The following TAFA1 variants were observed in gnomAD, a reference collection of about 807,000 sequenced individuals.
TAFA1 encodes the protein chemokine-like protein TAFA-1.
In TAFA1, 4 loss-of-function variants were observed where a neutral mutation model predicts 18.5. That is an observed-to-expected ratio of 0.22 (90% CI 0.11 to 0.49). The LOEUF (loss-of-function observed/expected upper bound fraction) is 0.49. TAFA1 is among the 20% of genes least tolerant of loss of function. TAFA1 has a pLI of 0.98. For missense variants in TAFA1, 147 were observed against 169.0 expected, an observed-to-expected ratio of 0.87 and a Z score of 0.72; for synonymous variants, 56 against 55.2, an observed-to-expected ratio of 1.01 and a Z score of -0.06.
At chr3:68,172,620 G>C (rs189569358) in intron 2 of TAFA1, among the ~76,000 whole-genome samples, 1 of 152,198 alleles carries the variant, frequency 6.6e-6, no homozygotes, top group East Asian at 1.9e-4. Flanking sequence ...AACAACCCTA[G>C]TGTCCATCAG....
At chr3:68,360,719 C>T (rs952088663) in intron 2 of TAFA1, among the ~76,000 whole-genome samples, 2 of 151,922 alleles carry the variant, frequency 1.3e-5, no homozygotes, top group Non-Finnish European at 2.9e-5. Flanking sequence ...TATGAAGATT[C>T]AGCAATGCTA....
chr3:68,254,496 G>A (rs2067260407), intron 2 of TAFA1, among the ~76,000 whole-genome samples: 3 of 151,960 alleles, frequency 2.0e-5, no homozygotes, highest in Non-Finnish European at 4.4e-5. Context: ...ATTAATCTCT[G>A]AAATGAAACA....
intron 2 of TAFA1, among the ~76,000 whole-genome samples, chr3:68,271,134 C>T (rs1375727409): frequency 6.6e-6 from 1 of 152,046 alleles, no homozygotes; most frequent in Non-Finnish European, 1.5e-5. Context: ...CCACCCTGCC[C>T]CTTCCCCCTT....
At chr3:68,288,563 T>G (rs1236455019) in intron 2 of TAFA1, among the ~76,000 whole-genome samples, 1 of 152,236 alleles carries the variant, frequency 6.6e-6, no homozygotes, top group Non-Finnish European at 1.5e-5. Context: ...TTTAATGATG[T>G]CTATCCTCTA....
chr3:68,015,674 T>C lies in TAFA1; in HGVS notation c.118+8930T>C, dbSNP rs1482204826. 2.0e-5 allele frequency among the ~76,000 whole-genome samples: 3 copies of C among 152,220 alleles called. No individual in the cohort carries two copies. The East Asian group carries it at 5.8e-4, about 29-fold the overall frequency. ...GCATCAAGCAGCATAGAGATGCATA[T>C]GTAAAACTCTTAATTTAATACTTTA... On this transcript the variant is annotated intron_variant, in intron 2 of 4. Coordinates refer to ENST00000478136, the MANE Select transcript of TAFA1 (RefSeq NM_213609.4).
intron 2 of TAFA1, among the ~76,000 whole-genome samples, chr3:68,075,918 A>G (rs1309594802): frequency 1.3e-5 from 2 of 152,076 alleles, no homozygotes; most frequent in Non-Finnish European, 2.9e-5. Flanking sequence ...GCTGGTCTTG[A>G]ACTCCTGGGC....
At chr3:68,374,945 A>G (rs2069779890) in intron 2 of TAFA1, among the ~76,000 whole-genome samples, 1 of 151,320 alleles carries the variant, frequency 6.6e-6, no homozygotes, top group Non-Finnish European at 1.5e-5. Flanking sequence ...AAGTACAAGA[A>G]GAGCATTGTC....
intron 3 of TAFA1, among the ~76,000 whole-genome samples, chr3:68,535,891 AT>A (rs1185556151): frequency 4.6e-5 from 7 of 152,208 alleles, no homozygotes; most frequent in Admixed American, 1.3e-4. Context: ...AATAACATTC[AT>A]TAGTGATTGG....
intron 3 of TAFA1, among the ~76,000 whole-genome samples, chr3:68,526,237 G>T (rs1177383013): frequency 2.6e-5 from 4 of 152,230 alleles, no homozygotes; most frequent in African/African-American, 9.6e-5. Context: ...AATCCATTTA[G>T]AAAATGACTC....
In TAFA1 at chr3:68,188,753, A is replaced by G. The variant is rs2066302220; in HGVS notation, c.118+182009A>G. Among the ~76,000 whole-genome samples the G allele has an allele frequency of 2.0e-5, 3 of 151,912 alleles. No homozygotes were observed. The South Asian group carries it at 6.2e-4, about 31-fold the overall frequency. ...CATGCTATTTTGCACTAAGGACAGA[A>G]CCATGGTAGGGAACAATGACTTTTG... On this transcript the variant is annotated intron_variant, in intron 2 of 4. Transcript: ENST00000478136.
At chr3:68,518,586 A>C (rs1172943509) in intron 3 of TAFA1, among the ~76,000 whole-genome samples, 1 of 152,210 alleles carries the variant, frequency 6.6e-6, no homozygotes, top group African/African-American at 2.4e-5. Flanking sequence ...TTACTTTTAT[A>C]ATAACAATAA....
In TAFA1 at chr3:68,520,262, G is replaced by A. The variant is rs532725343; in HGVS notation, c.260-18494G>A. 6.6e-5 allele frequency among the ~76,000 whole-genome samples: 10 copies of A among 152,318 alleles called. No homozygotes were observed. In the South Asian group the frequency reaches 8.3e-4, roughly 13 times the overall value. ...ACGAAGATTTTCAGACTCTGTCCCTGTGGCTCGGGCTCAAGTAGAGATAGA... is the reference window on the plus strand; with the variant it reads ...ACGAAGATTTTCAGACTCTGTCCCTATGGCTCGGGCTCAAGTAGAGATAGA... On this transcript the variant is annotated intron_variant, in intron 3 of 4. Coordinates refer to ENST00000478136, the MANE Select transcript of TAFA1 (RefSeq NM_213609.4).
At chr3:68,161,631 G>C (rs767594710) in intron 2 of TAFA1, among the ~76,000 whole-genome samples, 3 of 152,116 alleles carry the variant, frequency 2.0e-5, no homozygotes, top group Admixed American at 1.3e-4. Context: ...TAGTAGGATG[G>C]AAATAAATGT....
chr3:68,427,824 TC>T, intron 3 of TAFA1, among the ~76,000 whole-genome samples: 1 of 151,988 alleles, frequency 6.6e-6, no homozygotes, highest in South Asian at 2.1e-4. Flanking sequence ...CCCATGCTGT[TC>T]TTGTGATAGT....
chr3:68,470,856 G>A (rs2071983479), intron 3 of TAFA1, among the ~76,000 whole-genome samples: 4 of 152,206 alleles, frequency 2.6e-5, no homozygotes. Flanking sequence ...AAGTAACAAG[G>A]AGTCAAATGT....
chr3:68,062,777 A>G (rs2064621023), intron 2 of TAFA1, among the ~76,000 whole-genome samples: 2 of 152,220 alleles, frequency 1.3e-5, no homozygotes, highest in South Asian at 2.1e-4. Flanking sequence ...TGGTTAAGAG[A>G]TAACCATAAC....
intron 2 of TAFA1, among the ~76,000 whole-genome samples, chr3:68,281,075 G>A (rs1038795205): frequency 3.3e-5 from 5 of 152,224 alleles, no homozygotes; most frequent in African/African-American, 1.2e-4. Flanking sequence ...TATGGAATAA[G>A]AAATCCATTA....
chr3:68,025,570 A>G (rs1704796640), intron 2 of TAFA1, among the ~76,000 whole-genome samples: 1 of 152,116 alleles, frequency 6.6e-6, no homozygotes, highest in Admixed American at 6.6e-5. Flanking sequence ...ATATGCCCTC[A>G]ACTTTTACCC....
intron 2 of TAFA1, among the ~76,000 whole-genome samples, chr3:68,242,428 C>T (rs1261917893): frequency 2.0e-5 from 3 of 152,036 alleles, no homozygotes; most frequent in Non-Finnish European, 2.9e-5. Context: ...AGCAACCATG[C>T]CAACTGGTTA....
Sources: allele counts gnomAD v4.1 joint callset (sites outside exome capture counted in the v4.1 genomes callset), GRCh38; gene constraint gnomAD v4.1.1; transcripts MANE v1.5; gene names NCBI Gene and HGNC (gene_info 2026-07-23, HGNC 2026-07-21).